Variants in SUPT3H observed in about 807,000 individuals in gnomAD.
The protein encoded by SUPT3H is transcription initiation protein SPT3 homolog.
A neutral mutation model predicts 44.3 loss-of-function variants in SUPT3H; 44 were observed. The observed-to-expected ratio is 0.99, with a 90% CI of 0.78 to 1.28. The LOEUF is 1.28. Ranked by LOEUF, SUPT3H falls within the 50% of genes most tolerant of loss-of-function variation. SUPT3H has a pLI of 0.00. For synonymous variants in SUPT3H, 124 were observed against 125.6 expected, an observed-to-expected ratio of 0.99 and a Z score of 0.09; for missense variants, 380 against 387.1, an observed-to-expected ratio of 0.98 and a Z score of 0.15.
chr6:45,367,955 T>C (rs1795430132), intron 1 of SUPT3H, among the ~76,000 whole-genome samples: 1 of 152,206 alleles, frequency 6.6e-6, no homozygotes, highest in East Asian at 1.9e-4. Flanking sequence ...ATTTAGATAA[T>C]TAACTTCTTT....
At chr6:44,963,950 A>T (rs2153478989) in intron 6 of SUPT3H, among the ~76,000 whole-genome samples, 1 of 151,772 alleles carries the variant, frequency 6.6e-6, no homozygotes, top group East Asian at 1.9e-4. Context: ...GTGAGCCAAG[A>T]TCACGCCACT....
At chr6:44,866,141 T>C (rs564084119) in intron 10 of SUPT3H, among the ~76,000 whole-genome samples, 1 of 147,326 alleles carries the variant, frequency 6.8e-6, no homozygotes, top group Non-Finnish European at 1.5e-5. Context: ...CAAAGTAGAT[T>C]GCCTGTCTAA....
At chr6:44,926,824 T>C (rs1199040991) in intron 10 of SUPT3H, among the ~76,000 whole-genome samples, 1 of 152,208 alleles carries the variant, frequency 6.6e-6, no homozygotes, top group Non-Finnish European at 1.5e-5. Flanking sequence ...CTATAGTTGC[T>C]ACTTTATTTT....
At chr6:45,187,573 A>C (rs1323965950) in intron 2 of SUPT3H, among the ~76,000 whole-genome samples, 1 of 152,200 alleles carries the variant, frequency 6.6e-6, no homozygotes, top group Non-Finnish European at 1.5e-5. Flanking sequence ...TGAACCTAAG[A>C]TGTGAGGACC....
intron 2 of SUPT3H, among the ~76,000 whole-genome samples, chr6:45,183,756 A>T (rs1360818030): frequency 6.6e-6 from 1 of 152,228 alleles, no homozygotes; most frequent in Non-Finnish European, 1.5e-5. Context: ...AGTAACAAAA[A>T]GCTTATTAAG....
chr6:45,224,732 C>T (rs1264720514), intron 2 of SUPT3H, among the ~76,000 whole-genome samples: 3 of 148,882 alleles, frequency 2.0e-5, no homozygotes, highest in Admixed American at 6.7e-5. Flanking sequence ...GAGCTGAGAT[C>T]GCGCCACTGC....
At chr6:45,158,201 GAGATAGATAGAT>G (rs3054762) in intron 2 of SUPT3H, among the ~76,000 whole-genome samples, 1,656 of 121,912 alleles carry the variant, frequency 0.014, 27 homozygotes, top group East Asian at 0.076. Context: ...AGAAACCATA[GAGATAGATAGAT>G]AGATAGATAG....
rs958396645 is a variant in SUPT3H at position 45,239,763 on chromosome 6, C to T, written c.101+125438G>A. Among the ~76,000 whole-genome samples the T allele has an allele frequency of 5.3e-5, 8 of 152,306 alleles. No homozygotes were observed. In the East Asian group the frequency reaches 7.7e-4, roughly 15 times the overall value. On this transcript the variant is annotated intron_variant, in intron 2 of 10. Transcript: ENST00000371459. ...AGCTCTAGCTACATTTTTCTCTATA[C>T]GGAATATTAAACACATTACTGGCAT... is the stretch of plus-strand genomic sequence containing the variant.
At chr6:44,830,031 T>TA (rs1768343897) in intron 10 of SUPT3H, among the ~76,000 whole-genome samples, 174 bp from the exon 11 acceptor site, 1 of 152,182 alleles carries the variant, frequency 6.6e-6, no homozygotes, top group South Asian at 2.1e-4. Context: ...TTCTGTCTAT[T>TA]AAAAAGTCAG....
chr6:45,084,162 A>C (rs1796184012), intron 3 of SUPT3H, among the ~76,000 whole-genome samples: 2 of 152,322 alleles, frequency 1.3e-5, no homozygotes, highest in Middle Eastern at 3.4e-3. Context: ...TAAATCAAAG[A>C]GCTTCTGCAC....
intron 2 of SUPT3H, among the ~76,000 whole-genome samples, chr6:45,287,017 T>C (rs1277244934): frequency 6.6e-6 from 1 of 152,034 alleles, no homozygotes; most frequent in East Asian, 1.9e-4. Flanking sequence ...CCACATGTTC[T>C]CACTCATAGG....
At chr6:45,132,948 C>T (rs1803704579) in intron 2 of SUPT3H, among the ~76,000 whole-genome samples, 1 of 152,042 alleles carries the variant, frequency 6.6e-6, no homozygotes, top group Non-Finnish European at 1.5e-5. Flanking sequence ...GTGTTTGAAT[C>T]TAGGTCTGTC....
At chr6:45,234,891 G>C (rs1768800230) in intron 2 of SUPT3H, among the ~76,000 whole-genome samples, 1 of 152,038 alleles carries the variant, frequency 6.6e-6, no homozygotes, top group Non-Finnish European at 1.5e-5. Flanking sequence ...TCCTTAAAAT[G>C]CCTAGAAATA....
intron 6 of SUPT3H, among the ~76,000 whole-genome samples, chr6:44,963,728 G>A (rs12214794): frequency 0.21 from 31,211 of 152,046 alleles, 3,912 homozygotes; most frequent in Non-Finnish European, 0.29. Flanking sequence ...AGCTGGGCAC[G>A]GTGGCTCATG....
At chr6:45,322,993 T>C in intron 2 of SUPT3H, 1 of 1,464,346 alleles carries the variant, frequency 6.8e-7, no homozygotes, top group Non-Finnish European at 9.5e-7. Context: ...CTTCAAACAA[T>C]TAAGCAAATC....
chr6:45,124,823 T>C (rs994022717), intron 2 of SUPT3H, among the ~76,000 whole-genome samples: 2 of 151,856 alleles, frequency 1.3e-5, no homozygotes, highest in African/African-American at 4.8e-5. Context: ...TATTTAGAAA[T>C]AGGGTCTTTA....
chr6:45,158,209 T>C (rs1389297638), intron 2 of SUPT3H, among the ~76,000 whole-genome samples: 1 of 106,520 alleles, frequency 9.4e-6, no homozygotes, highest in Non-Finnish European at 1.7e-5. Context: ...TAGAGATAGA[T>C]AGATAGATAG....
chr6:44,950,816 T>C (rs1221970450), intron 9 of SUPT3H, among the ~76,000 whole-genome samples: 1 of 145,924 alleles, frequency 6.9e-6, no homozygotes, highest in African/African-American at 2.7e-5. Flanking sequence ...TTTTTTCCTC[T>C]TGTTTTATTT....
intron 2 of SUPT3H, among the ~76,000 whole-genome samples, chr6:45,360,808 T>A (rs992896867): frequency 1.3e-5 from 2 of 152,204 alleles, no homozygotes; most frequent in African/African-American, 4.8e-5. Flanking sequence ...CGGGCAGAAC[T>A]ACAGACCTAA....
Sources: allele counts gnomAD v4.1 joint callset (sites outside exome capture counted in the v4.1 genomes callset), GRCh38; gene constraint gnomAD v4.1.1; transcripts MANE v1.5; gene names NCBI Gene and HGNC (gene_info 2026-07-23, HGNC 2026-07-21).